Variants in NOX3 observed in about 807,000 individuals in gnomAD.
NOX3 encodes NADPH oxidase catalytic subunit-like 3.
NOX3 carries 74 observed loss-of-function variants against 76.7 expected under a neutral mutation model. The observed-to-expected ratio is 0.96, with a 90% CI of 0.80 to 1.17. NOX3 has a LOEUF of 1.17. NOX3 is among the 50% of genes most tolerant of loss of function. The pLI is 0.00. For synonymous variants in NOX3, 263 were observed against 261.1 expected (o/e 1.01, Z -0.07); for missense variants, 695 against 703.3 (o/e 0.99, Z 0.13).
intron 12 of NOX3, among the ~76,000 whole-genome samples, chr6:155,404,204 A>G (rs945500544): frequency 2.0e-5 from 3 of 151,952 alleles, no homozygotes; most frequent in African/African-American, 4.8e-5. Flanking sequence ...ATATTTTGTT[A>G]GTTTCTACCT....
At chr6:155,440,206 C>T in intron 5 of NOX3, 69 bp from the exon 6 acceptor site, 1 of 1,292,946 alleles carries the variant, frequency 7.7e-7, no homozygotes. Flanking sequence ...AATATCCTGG[C>T]ATATTTTTTT....
intron 11 of NOX3, among the ~76,000 whole-genome samples, chr6:155,407,665 T>G (rs756985182): frequency 3.3e-4 from 50 of 152,176 alleles, no homozygotes; most frequent in Admixed American, 1.8e-3. Context: ...CCTGGGGAGT[T>G]GAGAAGGGCA....
chr6:155,440,863 G>A (rs1776975914), intron 5 of NOX3, among the ~76,000 whole-genome samples: 1 of 151,960 alleles, frequency 6.6e-6, no homozygotes, highest in South Asian at 2.1e-4. Flanking sequence ...TTTTTGAGAG[G>A]TCCCTTGGGG....
In NOX3 at chr6:155,449,110, C is replaced by T. The variant is rs559659316; in HGVS notation, c.340+4294G>A. Among the ~76,000 whole-genome samples the T allele has an allele frequency of 1.6e-4, 24 of 152,194 alleles. 1 individual carries two copies. Among genetic ancestry groups the T allele is most frequent in the Middle Eastern group, 3.4e-3 (1 of 294 alleles). On this transcript the variant is annotated intron_variant, in intron 4 of 13. Coordinates refer to ENST00000159060, the MANE Select transcript of NOX3 (RefSeq NM_015718.3). ...AGGGGTCAGGACTGAAGAGTTTGTG[C>T]CTTTAGGGCTATTCTCAAGCCTGGG...
chr6:155,417,501 G>A, intron 10 of NOX3, among the ~76,000 whole-genome samples: 1 of 152,184 alleles, frequency 6.6e-6, no homozygotes, highest in East Asian at 1.9e-4. Flanking sequence ...CAGAGCAATG[G>A]TGAGGGCTGA....
At chr6:155,423,335 A>T (rs1012457821) in intron 9 of NOX3, among the ~76,000 whole-genome samples, 1 of 152,152 alleles carries the variant, frequency 6.6e-6, no homozygotes, top group Non-Finnish European at 1.5e-5. Context: ...TAGTAGGTTT[A>T]TGTAATTTTA....
intron 12 of NOX3, among the ~76,000 whole-genome samples, chr6:155,399,193 T>G (rs1425763994): frequency 6.6e-6 from 1 of 152,196 alleles, no homozygotes; most frequent in Non-Finnish European, 1.5e-5. Flanking sequence ...GATGCTGTTA[T>G]GGGTGGTGAT....
chr6:155,423,526 T>C (rs539866026), intron 9 of NOX3, among the ~76,000 whole-genome samples: 23 of 152,248 alleles, frequency 1.5e-4, no homozygotes, highest in Non-Finnish European at 2.9e-4. Flanking sequence ...ATAAAGTATA[T>C]TCATTGAATA....
intron 5 of NOX3, 26 bp from the exon 6 acceptor site, chr6:155,440,163 A>C: frequency 1.3e-6 from 2 of 1,533,372 alleles, no homozygotes; most frequent in Non-Finnish European, 1.7e-6. Context: ...ACAACAAAAA[A>C]AGAAACAAAC....
At chr6:155,397,915 G>A (rs1582922573) in intron 12 of NOX3, among the ~76,000 whole-genome samples, 2 of 152,152 alleles carry the variant, frequency 1.3e-5, no homozygotes, top group Non-Finnish European at 2.9e-5. Flanking sequence ...AGAAAACTAT[G>A]TCAGAGAGAT....
rs1776547449 is a variant in NOX3 at position 155,411,278 on chromosome 6, C to T, written c.1391G>A (p.Ser464Asn). 6 of 1,614,080 alleles carry T rather than the reference C, an allele frequency of 3.7e-6. No individual in the cohort carries two copies. Among genetic ancestry groups the T allele is most frequent in the Non-Finnish European group, 8.5e-7 (1 of 1,179,952 alleles). ...DLLLSLETRM[S>N]EQGKTHFLSY... ...CAGAAAGTGAGTTTTCCCCTGCTCA[C>T]TCATCCGTGTTTCCAGGGAGAGTAA... The change falls in exon 11 of 14, where the codon AGT (serine) becomes AAT (asparagine). Residue 464 changes from serine to asparagine, a missense_variant. Coordinates refer to ENST00000159060, the MANE Select transcript of NOX3 (RefSeq NM_015718.3).
At chr6:155,405,238 G>A (rs1331643558) in intron 12 of NOX3, among the ~76,000 whole-genome samples, 3 of 152,160 alleles carry the variant, frequency 2.0e-5, no homozygotes, top group Non-Finnish European at 4.4e-5. Flanking sequence ...ACCTTAGTGG[G>A]CTTTAATGTA....
intron 9 of NOX3, among the ~76,000 whole-genome samples, chr6:155,423,726 C>A (rs189455868): frequency 3.6e-4 from 54 of 150,244 alleles, no homozygotes; most frequent in African/African-American, 1.2e-3. Context: ...AGTTTCTGTT[C>A]TTTTCTTTTT....
At chr6:155,452,432 C>T (rs547196847) in intron 4 of NOX3, among the ~76,000 whole-genome samples, 88 of 152,250 alleles carry the variant, frequency 5.8e-4, no homozygotes, top group Non-Finnish European at 9.7e-4. Flanking sequence ...TGTCTTTTTA[C>T]TCTTATTTCC....
intron 12 of NOX3, among the ~76,000 whole-genome samples, chr6:155,398,506 T>C (rs1423586948): frequency 6.6e-6 from 1 of 152,240 alleles, no homozygotes; most frequent in Non-Finnish European, 1.5e-5. Context: ...TAGAAATTGA[T>C]GGTTCCCCTG....
At chr6:155,436,753 A>T (rs1010940267) in intron 6 of NOX3, among the ~76,000 whole-genome samples, 1 of 152,182 alleles carries the variant, frequency 6.6e-6, no homozygotes, top group Non-Finnish European at 1.5e-5. Context: ...AAGATCCCAG[A>T]AAAGAAGGGC....
At chr6:155,417,085 A>T (rs1055336647) in intron 10 of NOX3, among the ~76,000 whole-genome samples, 1 of 152,102 alleles carries the variant, frequency 6.6e-6, no homozygotes, top group Admixed American at 6.5e-5. Context: ...GATTCCATAA[A>T]TTGTGGCCTA....
intron 12 of NOX3, among the ~76,000 whole-genome samples, chr6:155,400,382 T>TA (rs112833321): frequency 0.027 from 4,139 of 152,054 alleles, 138 homozygotes; most frequent in East Asian, 0.14. Flanking sequence ...AAACCCTATT[T>TA]AAAAAAAAGC....
At position 155,434,674 on chromosome 6, in the gene NOX3, T is replaced by C. The variant is rs557195617; in HGVS notation, c.798+1744A>G. Among the ~76,000 whole-genome samples the C allele has an allele frequency of 2.0e-5, 3 of 152,352 alleles. 1 individual carries two copies. The South Asian group carries it at 6.2e-4, about 32-fold the overall frequency. ...TCTTCATATATTTTTACAAATAATC[T>C]TCCCCACCCATTTTAGAGAGTTTGG... is the stretch of plus-strand genomic sequence containing the variant. On this transcript the variant is annotated intron_variant, in intron 7 of 13. Coordinates refer to ENST00000159060, the MANE Select transcript of NOX3 (RefSeq NM_015718.3).
Sources: gnomAD v4.1 joint callset for allele counts (sites outside exome capture counted in the v4.1 genomes callset) on GRCh38, gnomAD v4.1.1 for gene constraint, MANE v1.5 for transcripts, NCBI Gene and HGNC (gene_info 2026-07-23, HGNC 2026-07-21) for gene names.